SNX18: variants seen among roughly 807,000 people sequenced by gnomAD.
SNX18 encodes sorting nexin 18.
In SNX18, 35 loss-of-function variants were observed where a neutral mutation model predicts 48.7. The ratio of observed to expected loss-of-function variants is 0.72; its 90% CI spans 0.55 to 0.95. The LOEUF (loss-of-function observed/expected upper bound fraction) is 0.95, where lower values mean the gene tolerates loss of function less well. Among genes scored for constraint, SNX18 ranks in the 40% least tolerant of loss-of-function variants. The pLI is 0.00. For synonymous variants in SNX18, 492 were observed against 384.7 expected, an observed-to-expected ratio of 1.28 and a Z score of -3.26; for missense variants, 824 against 871.0, an observed-to-expected ratio of 0.95 and a Z score of 0.68.
chr5:54,601,172 A>G, the SNX18 span, among the ~76,000 whole-genome samples: 1 of 152,092 alleles, frequency 6.6e-6, no homozygotes, highest in East Asian at 1.9e-4. Context: ...GTATCCAATA[A>G]TGGCTTGAAG....
At chr5:54,608,128 T>C in the SNX18 span, among the ~76,000 whole-genome samples, 1 of 152,220 alleles carries the variant, frequency 6.6e-6, no homozygotes, top group Admixed American at 6.5e-5. Context: ...CATTTTGTGT[T>C]CCTATCAGCA....
chr5:54,524,204 C>T (rs1762084543), intron 1 of SNX18, among the ~76,000 whole-genome samples: 1 of 152,226 alleles, frequency 6.6e-6, no homozygotes, highest in South Asian at 2.1e-4. Context: ...TCGAAATACA[C>T]GACTCAGTTC....
chr5:54,625,721 G>C, the SNX18 span, among the ~76,000 whole-genome samples: 42 of 152,312 alleles, frequency 2.8e-4, 1 homozygote, highest in African/African-American at 9.1e-4. Context: ...CTTGGAGGCT[G>C]TCTAGGGGAA....
the SNX18 span, among the ~76,000 whole-genome samples, chr5:54,555,995 C>A: frequency 6.6e-6 from 1 of 152,060 alleles, no homozygotes; most frequent in Non-Finnish European, 1.5e-5. Flanking sequence ...CCTTTCTAGT[C>A]TAAACTGCTT....
the SNX18 span, among the ~76,000 whole-genome samples, chr5:54,599,215 T>C: frequency 6.6e-6 from 1 of 152,082 alleles, no homozygotes; most frequent in African/African-American, 2.4e-5. Flanking sequence ...AAGGAATCCA[T>C]CCTTTTCAAT....
At chr5:54,611,376 A>T in the SNX18 span, among the ~76,000 whole-genome samples, 3 of 151,998 alleles carry the variant, frequency 2.0e-5, no homozygotes, top group Non-Finnish European at 4.4e-5. Context: ...CTGTCTCCTG[A>T]ACATGACTTT....
the SNX18 span, among the ~76,000 whole-genome samples, chr5:54,601,718 T>C: frequency 2.0e-5 from 3 of 152,152 alleles, no homozygotes; most frequent in Non-Finnish European, 2.9e-5. Flanking sequence ...TTTCCAGTTC[T>C]GCCTTCTGCT....
Position 54,544,634 on chromosome 5 carries a change from A to AT in SNX18, c.*1202_*1203insT, listed in dbSNP as rs1230803374. 1 of 45,164 alleles carries AT rather than the reference A, an allele frequency of 2.2e-5. No homozygotes were observed. The highest frequency in any genetic ancestry group is 5.1e-5 in the Non-Finnish European group (1 of 19,592). 2.8% of individuals were successfully genotyped at this position (45,164 alleles called of 1,614,324 possible). ...TTTAAAAAAAAAAAAGGTATTGATG[A>AT]GCCCCCCCCCCCCAGGACATTTAAC... On this transcript the variant is annotated 3_prime_UTR_variant, in exon 2 of 2. Coordinates refer to ENST00000381410, the MANE Select transcript of SNX18 (RefSeq NM_001102575.2).
At chr5:54,641,388 C>CT in the SNX18 span, among the ~76,000 whole-genome samples, 14 of 152,042 alleles carry the variant, frequency 9.2e-5, no homozygotes, top group South Asian at 1.7e-3. Context: ...TAAAAGAGGT[C>CT]TTTTTTTTAA....
the SNX18 span, among the ~76,000 whole-genome samples, chr5:54,594,845 T>C: frequency 6.6e-6 from 1 of 152,188 alleles, no homozygotes; most frequent in Admixed American, 6.5e-5. Flanking sequence ...CTTCTAGTAA[T>C]CCCTAGTGTC....
At chr5:54,647,424 G>T in the SNX18 span, among the ~76,000 whole-genome samples, 1 of 152,136 alleles carries the variant, frequency 6.6e-6, no homozygotes, top group East Asian at 1.9e-4. Flanking sequence ...TCTCAGTTTT[G>T]AAAAGTATAG....
At chr5:54,619,468 C>G in the SNX18 span, among the ~76,000 whole-genome samples, 1 of 152,178 alleles carries the variant, frequency 6.6e-6, no homozygotes, top group Non-Finnish European at 1.5e-5. Context: ...ATTTTGATCA[C>G]ATCACTGCAC....
the SNX18 span, among the ~76,000 whole-genome samples, chr5:54,630,362 C>T: frequency 3.9e-5 from 6 of 152,190 alleles, no homozygotes; most frequent in African/African-American, 1.4e-4. Context: ...GAGATGCAGG[C>T]AGGGGAGGCA....
chr5:54,541,216 C>T (rs1762463887), intron 1 of SNX18, among the ~76,000 whole-genome samples: 1 of 151,726 alleles, frequency 6.6e-6, no homozygotes, highest in Non-Finnish European at 1.5e-5. Context: ...TTAGTAGAGA[C>T]AGGGTTTCAC....
rs763471783 is a variant in SNX18, at chr5:54,518,299, C to G, written c.347C>G (p.Pro116Arg). 8.5e-6 allele frequency: 13 copies of G among 1,521,718 alleles called. No individual in the cohort carries two copies. The Admixed American group carries it at 2.5e-4, about 29-fold the overall frequency. 94.3% of individuals were successfully genotyped at this position (1,521,718 alleles called of 1,614,324 possible). A position where few individuals can be genotyped will look rare whatever the true frequency, so the allele number is the denominator to read the frequency against. ...ALLQPQQAPP[P>R]STFQPPGAGF... The stretch of plus-strand genomic sequence containing the variant: ...CTGCAGCCACAGCAGGCGCCGCCTC[C>G]GAGCACCTTCCAGCCGCCCGGCGCG... The change falls in exon 1 of 2, where the codon CCG becomes CGG. Residue 116 changes from proline to arginine, a missense_variant. By Grantham distance (103) the Pro-to-Arg change is moderately radical (BLOSUM62 -2). Around this residue, in one of 3 missense-constraint regions of SNX18, gnomAD observed 377 missense variants for 350.6 expected, o/e 1.08. Coordinates refer to ENST00000381410, the MANE Select transcript of SNX18 (RefSeq NM_001102575.2).
the SNX18 span, among the ~76,000 whole-genome samples, chr5:54,610,442 C>T: frequency 6.6e-6 from 1 of 152,132 alleles, no homozygotes; most frequent in African/African-American, 2.4e-5. Context: ...GACTTGAATC[C>T]ACCCCTACAC....
the SNX18 span, among the ~76,000 whole-genome samples, chr5:54,565,862 C>T: frequency 2.0e-4 from 31 of 152,092 alleles, no homozygotes; most frequent in African/African-American, 5.8e-4. Context: ...AAATGAGCTG[C>T]GTGTTTATTA....
In SNX18 at chr5:54,518,332, C is replaced by G. The variant is rs764752445; in HGVS notation, c.380C>G (p.Pro127Arg). Reference protein sequence around the residue: ...STFQPPGAGFPYGGGALQPSP... With the variant: ...STFQPPGAGFRYGGGALQPSP... ...TTCCAGCCGCCCGGCGCGGGCTTCC[C>G]GTACGGCGGGGGCGCCCTGCAGCCG... Residue 127 changes from proline to arginine, a missense_variant, in exon 1 of 2, where the codon CCG becomes CGG. Physicochemically the swap from Pro to Arg is moderately radical, Grantham distance 103. Around this residue, in one of 3 missense-constraint regions of SNX18, gnomAD observed 377 missense variants for 350.6 expected, o/e 1.08. Coordinates refer to ENST00000381410, the MANE Select transcript of SNX18 (RefSeq NM_001102575.2). The G allele has an allele frequency of 5.8e-5, 90 of 1,548,866 alleles. No homozygotes were observed. The highest frequency in any genetic ancestry group is 7.1e-5 in the South Asian group (6 of 84,018).
At chr5:54,627,932 G>A in the SNX18 span, among the ~76,000 whole-genome samples, 1 of 152,174 alleles carries the variant, frequency 6.6e-6, no homozygotes, top group Non-Finnish European at 1.5e-5. Flanking sequence ...TTGAGCTCCT[G>A]GAGCCTTATT....
Sources: gnomAD v4.1 joint callset for allele counts (sites outside exome capture counted in the v4.1 genomes callset) on GRCh38, gnomAD v4.1.1 for gene constraint, gnomAD v4.1.1 regional missense constraint, MANE v1.5 for transcripts, NCBI Gene and HGNC (gene_info 2026-07-23, HGNC 2026-07-21) for gene names.